The following ZSCAN5A variants were observed in gnomAD, a reference collection of about 807,000 sequenced individuals.
ZSCAN5A encodes the protein zinc finger and SCAN domain-containing protein 5A.
ZSCAN5A carries 12 observed loss-of-function variants against 23.7 expected under a neutral mutation model. The ratio of observed to expected loss-of-function variants is 0.51; its 90% CI spans 0.32 to 0.82. ZSCAN5A has a LOEUF of 0.82. ZSCAN5A is among the 40% of genes least tolerant of loss of function. The pLI is 0.03. For synonymous variants in ZSCAN5A, 257 were observed against 239.9 expected, an observed-to-expected ratio of 1.07 and a Z score of -0.66; for missense variants, 597 against 617.9, an observed-to-expected ratio of 0.97 and a Z score of 0.36.
intron 2 of ZSCAN5A, among the ~76,000 whole-genome samples, chr19:56,353,942 T>C (rs921296038): frequency 6.6e-6 from 1 of 152,162 alleles, no homozygotes; most frequent in African/African-American, 2.4e-5. Flanking sequence ...ATACAAACAA[T>C]GGAATATTAG....
chr19:56,260,499 C>G (rs1364688990), intron 2 of ZSCAN5A, among the ~76,000 whole-genome samples: 1 of 152,104 alleles, frequency 6.6e-6, no homozygotes, highest in African/African-American at 2.4e-5. Flanking sequence ...CAGGCATGAG[C>G]CACCGCGCCT....
intron 2 of ZSCAN5A, chr19:56,247,058 T>C (rs553041806): frequency 2.5e-6 from 2 of 785,528 alleles, no homozygotes; most frequent in African/African-American, 1.7e-5. Flanking sequence ...CTGCTGCCCT[T>C]TGCATGTGGC....
At chr19:56,275,499 C>T (rs865971382) in intron 2 of ZSCAN5A, among the ~76,000 whole-genome samples, 5 of 152,094 alleles carry the variant, frequency 3.3e-5, no homozygotes, top group South Asian at 2.1e-4. Context: ...GGGAGGCCAA[C>T]GCAAGAGGAT....
intron 1 of ZSCAN5A, among the ~76,000 whole-genome samples, chr19:56,365,510 T>C (rs999517229): frequency 6.6e-6 from 1 of 152,180 alleles, no homozygotes; most frequent in South Asian, 2.1e-4. Flanking sequence ...GATACAAAAG[T>C]GAACGTGTTT....
At chr19:56,292,859 C>T (rs939498725) in intron 2 of ZSCAN5A, among the ~76,000 whole-genome samples, 3 of 152,222 alleles carry the variant, frequency 2.0e-5, no homozygotes, top group African/African-American at 7.2e-5. Flanking sequence ...AGCACAGTGT[C>T]CTCAAGGTTC....
At chr19:56,226,377 G>A (rs540516675) in intron 2 of ZSCAN5A, among the ~76,000 whole-genome samples, 2 of 152,196 alleles carry the variant, frequency 1.3e-5, no homozygotes, top group African/African-American at 2.4e-5. Context: ...CCTCCAGAGC[G>A]AGAAAACACA....
rs566632593 is a variant in ZSCAN5A at position 56,302,613 on chromosome 19, C to G, written c.-128+10670G>C. On this transcript the variant is annotated intron_variant, in intron 2 of 5. Coordinates refer to ENST00000683990, the MANE Select transcript of ZSCAN5A (RefSeq NM_001322064.3). ...CTTCCTCTCCCTCTTCTTCCTCTCC[C>G]TCTTCCTCCCTCCCTCCTCCTCCCT... 8.3e-4 allele frequency among the ~76,000 whole-genome samples: 94 copies of G among 112,606 alleles called. 1 individual carries two copies. The highest frequency in any genetic ancestry group is 1.1e-3 in the Non-Finnish European group (61 of 54,854). 73.9% of individuals were successfully genotyped at this position (112,606 alleles called of 152,430 possible).
chr19:56,299,732 T>C (rs2040107483), intron 2 of ZSCAN5A: 1 of 152,240 alleles, frequency 6.6e-6, no homozygotes. Flanking sequence ...TCCTTAGTTA[T>C]TGTACTGTTA....
intron 2 of ZSCAN5A, among the ~76,000 whole-genome samples, chr19:56,324,077 T>C (rs1320225904): frequency 6.6e-6 from 1 of 152,156 alleles, no homozygotes; most frequent in Non-Finnish European, 1.5e-5. Flanking sequence ...GTAGATCTTA[T>C]TCATTCTATC....
At chr19:56,244,345 G>A (rs1002320370) in intron 2 of ZSCAN5A, 3 of 1,602,690 alleles carry the variant, frequency 1.9e-6, no homozygotes, top group East Asian at 4.5e-5. Flanking sequence ...AGGAGCTCCA[G>A]GTCTTAGTCA....
intron 2 of ZSCAN5A, chr19:56,244,299 T>C: frequency 6.2e-7 from 1 of 1,610,064 alleles, no homozygotes; most frequent in Non-Finnish European, 8.5e-7. Context: ...ATCCTGGACA[T>C]GCTGGTGATG....
At chr19:56,265,730 C>T (rs771409821) in intron 2 of ZSCAN5A, among the ~76,000 whole-genome samples, 4 of 151,900 alleles carry the variant, frequency 2.6e-5, no homozygotes, top group Non-Finnish European at 5.9e-5. Context: ...AGCCACTCAA[C>T]ACTCTCACCT....
At chr19:56,365,353 T>C (rs1341035080) in intron 1 of ZSCAN5A, among the ~76,000 whole-genome samples, 1 of 152,234 alleles carries the variant, frequency 6.6e-6, no homozygotes, top group Non-Finnish European at 1.5e-5. Flanking sequence ...CTTTCCCTTC[T>C]ACCTTTGTAG....
At chr19:56,273,610 C>A (rs1018790644) in intron 2 of ZSCAN5A, among the ~76,000 whole-genome samples, 2 of 152,078 alleles carry the variant, frequency 1.3e-5, no homozygotes, top group African/African-American at 4.8e-5. Context: ...CTATTCCAGG[C>A]AGAGACTTGA....
chr19:56,271,094 G>T (rs1040636764), intron 2 of ZSCAN5A, among the ~76,000 whole-genome samples: 2 of 152,222 alleles, frequency 1.3e-5, no homozygotes, highest in Admixed American at 1.3e-4. Flanking sequence ...ATAAAGCAAA[G>T]AAACAGCTGT....
At chr19:56,335,377 G>T (rs2041525644) in intron 2 of ZSCAN5A, among the ~76,000 whole-genome samples, 1 of 152,138 alleles carries the variant, frequency 6.6e-6, no homozygotes, top group Admixed American at 6.5e-5. Flanking sequence ...CATATTTTAG[G>T]ATATCATCCA....
intron 2 of ZSCAN5A, chr19:56,243,970 A>G: frequency 1.6e-6 from 1 of 626,888 alleles, no homozygotes; most frequent in African/African-American, 1.8e-5. Flanking sequence ...AGGCCTGTCT[A>G]GATAGGTCTC....
At chr19:56,292,930 G>C (rs954140695) in intron 2 of ZSCAN5A, among the ~76,000 whole-genome samples, 1 of 152,208 alleles carries the variant, frequency 6.6e-6, no homozygotes, top group Non-Finnish European at 1.5e-5. Flanking sequence ...ATACTCCATT[G>C]CATGGATAGA....
At chr19:56,327,137 AC>A (rs1053571857) in intron 2 of ZSCAN5A, among the ~76,000 whole-genome samples, 2 of 151,788 alleles carry the variant, frequency 1.3e-5, no homozygotes, top group Non-Finnish European at 2.9e-5. Flanking sequence ...TGCTATATAT[AC>A]ATTAGGTCTC....
Sources: allele counts gnomAD v4.1 joint callset (sites outside exome capture counted in the v4.1 genomes callset), GRCh38; gene constraint gnomAD v4.1.1; transcripts MANE v1.5; gene names NCBI Gene and HGNC (gene_info 2026-07-23, HGNC 2026-07-21).